GNA14: variants seen among roughly 807,000 people sequenced by gnomAD.
The protein encoded by GNA14 is G protein subunit alpha 14, also known as guanine nucleotide-binding protein subunit alpha-14.
Under a neutral mutation model 42.0 loss-of-function variants are expected in GNA14, and 50 were observed. That is an observed-to-expected ratio of 1.19 (90% confidence interval 0.95 to 1.51). The LOEUF is 1.51. Ranked by LOEUF, GNA14 falls within the 40% of genes most tolerant of loss-of-function variation. GNA14 has a pLI of 0.00. For missense variants in GNA14, 473 were observed against 446.2 expected (o/e 1.06, Z -0.54); for synonymous variants, 173 against 163.1 (o/e 1.06, Z -0.46).
chr9:77,598,643 C>A (rs193095997), intron 1 of GNA14, among the ~76,000 whole-genome samples: 30 of 152,272 alleles, frequency 2.0e-4, no homozygotes, highest in Non-Finnish European at 3.5e-4. Flanking sequence ...TCCCAATGCT[C>A]CGGAAACTCA....
intron 1 of GNA14, among the ~76,000 whole-genome samples, chr9:77,549,884 T>G (rs1344968996): frequency 6.6e-6 from 1 of 152,116 alleles, no homozygotes; most frequent in Non-Finnish European, 1.5e-5. Flanking sequence ...CGCTTGGGAC[T>G]CTATAATTTT....
intron 1 of GNA14, among the ~76,000 whole-genome samples, chr9:77,595,594 C>T (rs569983064): frequency 2.0e-5 from 3 of 152,262 alleles, no homozygotes; most frequent in East Asian, 1.9e-4. Flanking sequence ...TACTCCCTTC[C>T]GAACTGTTGT....
At chr9:77,424,660 A>G (rs1169806586) in intron 6 of GNA14, among the ~76,000 whole-genome samples, 1 of 152,212 alleles carries the variant, frequency 6.6e-6, no homozygotes, top group East Asian at 1.9e-4. Context: ...TCATATTTTA[A>G]AATGTCCTCT....
At chr9:77,632,729 C>T (rs1349968161) in intron 1 of GNA14, among the ~76,000 whole-genome samples, 4 of 152,174 alleles carry the variant, frequency 2.6e-5, no homozygotes, top group Admixed American at 6.5e-5. Flanking sequence ...CACAGAGAGC[C>T]GGTGCCTTTG....
At chr9:77,553,305 G>C (rs550985653) in intron 1 of GNA14, among the ~76,000 whole-genome samples, 2 of 152,094 alleles carry the variant, frequency 1.3e-5, no homozygotes, top group African/African-American at 4.8e-5. Context: ...ACCATGTGTG[G>C]CAGGCACTAC....
At chr9:77,495,176 A>G (rs1365163980) in intron 2 of GNA14, among the ~76,000 whole-genome samples, 1 of 152,162 alleles carries the variant, frequency 6.6e-6, no homozygotes, top group African/African-American at 2.4e-5. Flanking sequence ...AACTTAGATT[A>G]GACCAAAGGA....
intron 2 of GNA14, among the ~76,000 whole-genome samples, chr9:77,524,805 AT>A (rs1307128539): frequency 4.6e-5 from 7 of 152,198 alleles, no homozygotes; most frequent in African/African-American, 9.6e-5. Context: ...AATAAAAAAA[AT>A]GAGCTTATTT....
intron 2 of GNA14, chr9:77,456,342 A>T (rs145241794): frequency 1.3e-5 from 2 of 152,256 alleles, no homozygotes; most frequent in African/African-American, 4.8e-5. Context: ...TCTCCAGACT[A>T]GAAAGAGACC....
intron 1 of GNA14, among the ~76,000 whole-genome samples, chr9:77,598,457 G>A (rs1052540718): frequency 2.0e-5 from 3 of 152,138 alleles, no homozygotes; most frequent in African/African-American, 7.2e-5. Context: ...TCTCTCTCCA[G>A]TTATAAATTA....
intron 2 of GNA14, among the ~76,000 whole-genome samples, chr9:77,490,527 C>T (rs1431990953): frequency 1.3e-5 from 2 of 152,352 alleles, no homozygotes; most frequent in South Asian, 2.1e-4. Flanking sequence ...AGGCCTGCCT[C>T]GCGGGAAGGC....
chr9:77,545,716 C>G (rs1206081769), intron 1 of GNA14, among the ~76,000 whole-genome samples: 1 of 151,960 alleles, frequency 6.6e-6, no homozygotes, highest in Admixed American at 6.6e-5. Context: ...CACACTGTTC[C>G]GCATTACTTT....
At chr9:77,433,680 T>C (rs1835595386) in intron 3 of GNA14, among the ~76,000 whole-genome samples, 2 of 152,206 alleles carry the variant, frequency 1.3e-5, no homozygotes, top group Admixed American at 1.3e-4. Context: ...AAATCTGTCA[T>C]CTCTATGGGA....
chr9:77,601,176 G>A (rs1587844052), intron 1 of GNA14, among the ~76,000 whole-genome samples: 1 of 151,510 alleles, frequency 6.6e-6, no homozygotes, highest in South Asian at 2.1e-4. Context: ...ACGTTTTTTT[G>A]TTGTTGTTTT....
chr9:77,555,722 T>C (rs1822765992), intron 1 of GNA14, among the ~76,000 whole-genome samples: 1 of 152,228 alleles, frequency 6.6e-6, no homozygotes, highest in Admixed American at 6.5e-5. Flanking sequence ...TGCACGACGA[T>C]GTCCACTGCA....
At chr9:77,440,754 TC>T (rs965422237) in intron 2 of GNA14, among the ~76,000 whole-genome samples, 1 of 152,128 alleles carries the variant, frequency 6.6e-6, no homozygotes, top group Non-Finnish European at 1.5e-5. Context: ...TCTTGCTCTG[TC>T]CCCAGGCTGG....
chr9:77,580,364 G>A lies in GNA14; in HGVS notation c.125-51111C>T, dbSNP rs1823202090. The A allele has an allele frequency of 9.2e-6, 3 of 327,298 alleles. No individual in the cohort carries two copies. In the Admixed American group the frequency reaches 1.0e-4, roughly 11 times the overall value. The allele number at this position is 327,298 out of a possible 1,614,324, so 20.3% of individuals were successfully genotyped here. On this transcript the variant is annotated intron_variant, in intron 1 of 6. Coordinates refer to ENST00000341700, the MANE Select transcript of GNA14 (RefSeq NM_004297.4). Reference sequence around the variant, plus strand: ...TTTACATTGACGCGTCATGCCTTAGGTGGGAAGGACAGCAATGACAGGGGA... The same window carrying A: ...TTTACATTGACGCGTCATGCCTTAGATGGGAAGGACAGCAATGACAGGGGA...
At chr9:77,525,432 T>C (rs991314500) in intron 2 of GNA14, among the ~76,000 whole-genome samples, 2 of 152,134 alleles carry the variant, frequency 1.3e-5, no homozygotes, top group Non-Finnish European at 2.9e-5. Context: ...GGAATTGAGA[T>C]ACTTGAGCCA....
At chr9:77,514,707 G>C (rs1056986561) in intron 2 of GNA14, among the ~76,000 whole-genome samples, 1 of 150,242 alleles carries the variant, frequency 6.7e-6, no homozygotes, top group East Asian at 2.0e-4. Flanking sequence ...TCCGCCTCCC[G>C]GGTTCACGCC....
At chr9:77,434,629 CT>C in intron 2 of GNA14, 107 bp from the exon 3 acceptor site, 5 of 980,172 alleles carry the variant, frequency 5.1e-6, no homozygotes, top group Non-Finnish European at 4.6e-6. Context: ...AGAGCTCTCA[CT>C]AGGCATGGGG....
Sources: gnomAD v4.1 joint callset for allele counts (sites outside exome capture counted in the v4.1 genomes callset) on GRCh38, gnomAD v4.1.1 for gene constraint, MANE v1.5 for transcripts, NCBI Gene and HGNC (gene_info 2026-07-23, HGNC 2026-07-21) for gene names.